Variants in TEAD1 observed in about 807,000 individuals in gnomAD.
TEAD1 encodes the protein TEA domain transcription factor 1.
A neutral mutation model predicts 54.9 loss-of-function variants in TEAD1; 9 were observed. The ratio of observed to expected loss-of-function variants is 0.16; its 90% CI spans 0.10 to 0.29. The LOEUF (loss-of-function observed/expected upper bound fraction) is 0.29. Ranked by LOEUF, TEAD1 falls within the 10% of genes least tolerant of loss-of-function variation. TEAD1 has a pLI of 1.00. For missense variants in TEAD1, 387 were observed against 535.9 expected (o/e 0.72, Z 2.74); for synonymous variants, 200 against 187.8 (o/e 1.07, Z -0.53).
chr11:12,784,637 G>A (rs1227929290), intron 3 of TEAD1, among the ~76,000 whole-genome samples: 3 of 152,218 alleles, frequency 2.0e-5, no homozygotes, highest in Non-Finnish European at 4.4e-5. Flanking sequence ...TCCTGGTGGT[G>A]TGTTGATGGA....
chr11:12,703,259 T>G (rs574912361), intron 2 of TEAD1, among the ~76,000 whole-genome samples: 2 of 152,272 alleles, frequency 1.3e-5, no homozygotes, highest in Admixed American at 6.5e-5. Flanking sequence ...CAAAAAAGCT[T>G]CCCTTAGCAG....
intron 10 of TEAD1, among the ~76,000 whole-genome samples, chr11:12,911,887 T>A (rs1948624849): frequency 6.6e-6 from 1 of 152,144 alleles, no homozygotes; most frequent in African/African-American, 2.4e-5. Flanking sequence ...TTTGTAGGCC[T>A]TTCTAAGGGA....
intron 11 of TEAD1, among the ~76,000 whole-genome samples, chr11:12,927,076 G>A (rs190557648): frequency 6.5e-4 from 99 of 152,328 alleles, no homozygotes; most frequent in East Asian, 4.2e-3. Context: ...AATTACTGGT[G>A]TCCTCAGACG....
At chr11:12,922,025 A>G (rs1248622246) in intron 10 of TEAD1, among the ~76,000 whole-genome samples, 1 of 152,228 alleles carries the variant, frequency 6.6e-6, no homozygotes, top group Non-Finnish European at 1.5e-5. Context: ...AAAACCGGAT[A>G]AGTACAAGTT....
At chr11:12,676,473 G>GC (rs1376383482) in intron 2 of TEAD1, among the ~76,000 whole-genome samples, 1 of 152,210 alleles carries the variant, frequency 6.6e-6, no homozygotes, top group African/African-American at 2.4e-5. Flanking sequence ...TTCAGGCTAC[G>GC]CCCGGTGCTT....
At chr11:12,931,774 T>C (rs1449025659) in intron 12 of TEAD1, among the ~76,000 whole-genome samples, 2 of 146,296 alleles carry the variant, frequency 1.4e-5, no homozygotes, top group African/African-American at 2.5e-5. Flanking sequence ...TATACACCAT[T>C]GTATAAAAAA....
intron 2 of TEAD1, among the ~76,000 whole-genome samples, chr11:12,721,931 C>A (rs1030431926): frequency 6.6e-6 from 1 of 152,168 alleles, no homozygotes; most frequent in Non-Finnish European, 1.5e-5. Context: ...TCTCAAACAT[C>A]CCTGTGCGTA....
chr11:12,796,142 A>G (rs1021351099), intron 3 of TEAD1, among the ~76,000 whole-genome samples: 1 of 152,176 alleles, frequency 6.6e-6, no homozygotes, highest in African/African-American at 2.4e-5. Context: ...AGAATATTAT[A>G]TAGCAAAGGA....
At chr11:12,879,058 A>T (rs1284193349) in intron 5 of TEAD1, among the ~76,000 whole-genome samples, 1 of 152,232 alleles carries the variant, frequency 6.6e-6, no homozygotes, top group African/African-American at 2.4e-5. Context: ...TCCTGGCTTC[A>T]GTACGAACCC....
intron 2 of TEAD1, among the ~76,000 whole-genome samples, chr11:12,752,574 A>G (rs771337583): frequency 4.6e-5 from 7 of 152,078 alleles, no homozygotes; most frequent in Non-Finnish European, 7.4e-5. Context: ...CGTTGGTACA[A>G]TTCACCCATG....
At position 12,938,893 on chromosome 11, in the gene TEAD1, A is replaced by G. The variant is rs1189621859; in HGVS notation, c.*1671A>G. On this transcript the variant is annotated 3_prime_UTR_variant, in exon 13 of 13. Transcript: ENST00000527636. ...ATGAAATAAGTTTTTTAACTTGTAAAACATGTCAAGATTTTTCCACCAAGC... is the reference window on the plus strand; with the variant it reads ...ATGAAATAAGTTTTTTAACTTGTAAGACATGTCAAGATTTTTCCACCAAGC... 1 of 152,250 alleles carries G rather than the reference A, an allele frequency of 6.6e-6. No homozygotes were observed. Among genetic ancestry groups the G allele is most frequent in the Non-Finnish European group, 1.5e-5 (1 of 68,046 alleles). The allele number at this position is 152,250 out of a possible 1,614,324, so 9.4% of individuals were successfully genotyped here.
intron 3 of TEAD1, among the ~76,000 whole-genome samples, chr11:12,835,613 C>G (rs912613734): frequency 6.6e-6 from 1 of 151,428 alleles, no homozygotes; most frequent in African/African-American, 2.4e-5. Flanking sequence ...AGCCACCGTA[C>G]CCGGTGGCTC....
intron 5 of TEAD1, among the ~76,000 whole-genome samples, chr11:12,873,673 G>A (rs1317269230): frequency 6.6e-6 from 1 of 152,142 alleles, no homozygotes; most frequent in Non-Finnish European, 1.5e-5. Context: ...ATTTACTCCT[G>A]CCTTTTCTAA....
At chr11:12,713,914 G>A (rs1420519968) in intron 2 of TEAD1, among the ~76,000 whole-genome samples, 1 of 152,208 alleles carries the variant, frequency 6.6e-6, no homozygotes, top group Non-Finnish European at 1.5e-5. Context: ...AGTAAGGAAA[G>A]CTTTCCAATT....
At chr11:12,900,047 A>T (rs770501969) in intron 9 of TEAD1, among the ~76,000 whole-genome samples, 1 of 152,318 alleles carries the variant, frequency 6.6e-6, no homozygotes, top group South Asian at 2.1e-4. Flanking sequence ...TTATATGTTT[A>T]AAAATGTTTC....
At chr11:12,804,684 G>C (rs1293934106) in intron 3 of TEAD1, among the ~76,000 whole-genome samples, 1 of 152,166 alleles carries the variant, frequency 6.6e-6, no homozygotes, top group Non-Finnish European at 1.5e-5. Flanking sequence ...TACCATGTTA[G>C]AACACACTTG....
intron 2 of TEAD1, among the ~76,000 whole-genome samples, chr11:12,716,656 A>G (rs2133859502): frequency 6.6e-6 from 1 of 152,326 alleles, no homozygotes; most frequent in South Asian, 2.1e-4. Context: ...GCAGCCATAG[A>G]CAACATGAAA....
intron 3 of TEAD1, among the ~76,000 whole-genome samples, chr11:12,853,634 C>G (rs1425072222): frequency 6.6e-6 from 1 of 152,184 alleles, no homozygotes; most frequent in Non-Finnish European, 1.5e-5. Context: ...GAAATAACTT[C>G]TATCTAACAT....
Position 12,938,949 on chromosome 11 carries a change from C to G in TEAD1, c.*1727C>G, listed in dbSNP as rs1005586830. On this transcript the variant is annotated 3_prime_UTR_variant, in exon 13 of 13. Coordinates refer to ENST00000527636, the MANE Select transcript of TEAD1 (RefSeq NM_021961.6). ...AATAAAAAACTTAGTTCTACCACATCCAATTAACTTACACACCCCCTTCCC... is the reference window on the plus strand; with the variant it reads ...AATAAAAAACTTAGTTCTACCACATGCAATTAACTTACACACCCCCTTCCC... The G allele has an allele frequency of 1.3e-5, 2 of 152,220 alleles. No homozygotes were observed. The highest frequency in any genetic ancestry group is 6.5e-5 in the Admixed American group (1 of 15,282). The allele number at this position is 152,220 out of a possible 1,614,324, so 9.4% of individuals were successfully genotyped here.
Sources: gnomAD v4.1 joint callset for allele counts (sites outside exome capture counted in the v4.1 genomes callset) on GRCh38, gnomAD v4.1.1 for gene constraint, MANE v1.5 for transcripts, NCBI Gene and HGNC (gene_info 2026-07-23, HGNC 2026-07-21) for gene names.